RGS8: variants seen among roughly 807,000 people sequenced by gnomAD.
RGS8 encodes regulator of G-protein signaling 8.
RGS8 carries 8 observed loss-of-function variants against 21.7 expected under a neutral mutation model. That is an observed-to-expected ratio of 0.37 (90% CI 0.22 to 0.66). The LOEUF (loss-of-function observed/expected upper bound fraction) is 0.66. Among genes scored for constraint, RGS8 ranks in the 30% least tolerant of loss-of-function variants. RGS8 has a pLI of 0.59. For synonymous variants in RGS8, 80 were observed against 83.6 expected (o/e 0.96, Z 0.24); for missense variants, 157 against 217.9 (o/e 0.72, Z 1.76).
At chr1:182,748,683 G>A in the RGS8 span, among the ~76,000 whole-genome samples, 2 of 152,176 alleles carry the variant, frequency 1.3e-5, no homozygotes, top group Non-Finnish European at 2.9e-5. Flanking sequence ...ACTTCATACT[G>A]TTTTTCATAA....
At chr1:182,690,775 T>C in the RGS8 span, among the ~76,000 whole-genome samples, 1 of 152,226 alleles carries the variant, frequency 6.6e-6, no homozygotes, top group Non-Finnish European at 1.5e-5. Context: ...TTCACAGCTC[T>C]CTCTATCCAT....
chr1:182,744,265 G>A, the RGS8 span, among the ~76,000 whole-genome samples: 1 of 151,852 alleles, frequency 6.6e-6, no homozygotes. Flanking sequence ...TGGGACACAG[G>A]TGCACATCAC....
At chr1:182,730,721 A>T in the RGS8 span, among the ~76,000 whole-genome samples, 6 of 152,258 alleles carry the variant, frequency 3.9e-5, no homozygotes, top group East Asian at 7.7e-4. Flanking sequence ...AAAAAAAAAA[A>T]AAAAAATTTA....
the RGS8 span, among the ~76,000 whole-genome samples, chr1:182,695,087 G>T: frequency 4.2e-3 from 1 of 240 alleles, no homozygotes; most frequent in Non-Finnish European, 9.3e-3. Flanking sequence ...CTGTATTTGG[G>T]AATCACTGGC....
the RGS8 span, among the ~76,000 whole-genome samples, chr1:182,724,233 T>TATATATATATATAC: frequency 7.6e-6 from 1 of 131,066 alleles, no homozygotes; most frequent in Non-Finnish European, 1.6e-5. Context: ...TATATATATA[T>TATATATATATATAC]ATATATATAT....
downstream of RGS8, chr1:182,645,123 A>G (rs1662645202): frequency 6.6e-6 from 1 of 152,236 alleles, no homozygotes; most frequent in African/African-American, 2.4e-5. Context: ...AAGCACTAGA[A>G]CGCCACCAGC....
chr1:182,648,246 T>C, exon 6 of RGS8: 1 of 1,613,738 alleles, frequency 6.2e-7, no homozygotes, highest in Non-Finnish European at 8.5e-7. Flanking sequence ...CAACCAGAAT[T>C]CCAGGTTCTC....
At chr1:182,648,094 T>G (rs1438174699) in intron 6 of RGS8, 43 bp downstream of exon 7, 1 of 1,543,760 alleles carries the variant, frequency 6.5e-7, no homozygotes, top group Non-Finnish European at 8.8e-7. Flanking sequence ...AAATGCAAGC[T>G]AGGAGCCATG....
chr1:182,741,774 C>T, the RGS8 span, among the ~76,000 whole-genome samples: 762 of 107,710 alleles, frequency 7.1e-3, 12 homozygotes, highest in African/African-American at 0.02. Flanking sequence ...ACCTCCCTCC[C>T]GGACGGGGCG....
At chr1:182,653,223 G>A (rs1663104597) in intron 5 of RGS8, among the ~76,000 whole-genome samples, 1 of 152,194 alleles carries the variant, frequency 6.6e-6, no homozygotes, top group African/African-American at 2.4e-5. Context: ...TTTTCATGGT[G>A]TGATGGGGTT....
intron 5 of RGS8, among the ~76,000 whole-genome samples, chr1:182,662,164 C>T (rs758312028): frequency 6.6e-6 from 1 of 152,154 alleles, no homozygotes; most frequent in African/African-American, 2.4e-5. Flanking sequence ...TAAAAAATAG[C>T]AAAGTTGCTT....
the RGS8 span, among the ~76,000 whole-genome samples, chr1:182,743,926 CTTTA>C: frequency 6.6e-6 from 1 of 152,122 alleles, no homozygotes; most frequent in Admixed American, 6.5e-5. Flanking sequence ...CCTTATCCTG[CTTTA>C]TTTTTCTTCA....
At chr1:182,669,979 A>G (rs948813342) in intron 2 of RGS8, among the ~76,000 whole-genome samples, 2 of 152,204 alleles carry the variant, frequency 1.3e-5, no homozygotes, top group African/African-American at 2.4e-5. Flanking sequence ...TGATTCCCCA[A>G]CCACTGGCCA....
intron 5 of RGS8, among the ~76,000 whole-genome samples, chr1:182,663,309 C>G (rs987678919): frequency 2.6e-5 from 4 of 152,228 alleles, no homozygotes; most frequent in Non-Finnish European, 5.9e-5. Flanking sequence ...ATAGCCTTCA[C>G]AGGGGAGTAC....
chr1:182,742,008 T>G, the RGS8 span, among the ~76,000 whole-genome samples: 12 of 114,038 alleles, frequency 1.1e-4, 1 homozygote, highest in African/African-American at 3.5e-4. Context: ...AGGCAGAGGG[T>G]CTCCTCACTT....
At chr1:182,645,510 G>A (rs1662662575), downstream of RGS8, 1 of 152,230 alleles carries the variant, frequency 6.6e-6, no homozygotes, top group African/African-American at 2.4e-5. Flanking sequence ...AGCAGCTGCA[G>A]GGTACCATGA....
chr1:182,676,883 C>A (rs1280726262), upstream of RGS8, among the ~76,000 whole-genome samples: 1 of 152,188 alleles, frequency 6.6e-6, no homozygotes, highest in Non-Finnish European at 1.5e-5. Flanking sequence ...ATTTCCTCAT[C>A]TGTAAAACAC....
the RGS8 span, among the ~76,000 whole-genome samples, chr1:182,720,920 C>CATATATACATATATACATATATACAT: frequency 1.9e-5 from 1 of 52,182 alleles, no homozygotes; most frequent in East Asian, 4.7e-4. Flanking sequence ...TGTGTATATA[C>CATATATACATATATACATATATACAT]ATATATACAT....
chr1:182,694,197 T>G, the RGS8 span, among the ~76,000 whole-genome samples: 2 of 152,234 alleles, frequency 1.3e-5, no homozygotes, highest in African/African-American at 4.8e-5. Flanking sequence ...TCAACCTTTC[T>G]TTACCTCAGG....
Sources: gnomAD v4.1 joint callset for allele counts (sites outside exome capture counted in the v4.1 genomes callset) on GRCh38, gnomAD v4.1.1 for gene constraint, MANE v1.5 for transcripts, NCBI Gene and HGNC (gene_info 2026-07-23, HGNC 2026-07-21) for gene names.